Variants in MICAL3 observed in about 807,000 individuals in gnomAD.
The protein encoded by MICAL3 is microtubule associated monooxygenase, calponin and LIM domain containing 3.
MICAL3 carries 62 observed loss-of-function variants against 207.4 expected under a neutral mutation model. That is an observed-to-expected ratio of 0.30 (90% CI 0.24 to 0.37). The LOEUF (loss-of-function observed/expected upper bound fraction) is 0.37, where lower values mean the gene tolerates loss of function less well. Ranked by LOEUF, MICAL3 falls within the 10% of genes least tolerant of loss-of-function variation. MICAL3 has a pLI of 1.00. For missense variants in MICAL3, 2,368 were observed against 2,635.6 expected, an observed-to-expected ratio of 0.90 and a Z score of 2.22; for synonymous variants, 1,077 against 1,069.3, an observed-to-expected ratio of 1.01 and a Z score of -0.14.
chr22:17,856,914 C>G (rs986041051), intron 19 of MICAL3, among the ~76,000 whole-genome samples: 1 of 152,136 alleles, frequency 6.6e-6, no homozygotes, highest in Non-Finnish European at 1.5e-5. Context: ...AGCCACCGCG[C>G]CCGGCCGAAA....
intron 1 of MICAL3, among the ~76,000 whole-genome samples, chr22:17,994,365 T>A (rs996978249): frequency 4.1e-4 from 62 of 152,310 alleles, no homozygotes; most frequent in African/African-American, 8.9e-4. Context: ...GCTCCTCCTC[T>A]CTTGGCTTCC....
intron 11 of MICAL3, among the ~76,000 whole-genome samples, chr22:17,892,169 G>A (rs1039599762): frequency 2.6e-5 from 4 of 152,212 alleles, no homozygotes; most frequent in African/African-American, 7.2e-5. Flanking sequence ...GCAGGGCTCC[G>A]CTGACAACCC....
rs184531660 is a variant in MICAL3 at position 17,795,320 on chromosome 22, G to A, written c.5651-4019C>T. 6.6e-5 allele frequency among the ~76,000 whole-genome samples: 10 copies of A among 152,346 alleles called. No homozygotes were observed. The East Asian group carries it at 1.9e-3, about 29-fold the overall frequency. On this transcript the variant is annotated intron_variant, in intron 29 of 31. Transcript: ENST00000441493. ...GTCTTCAGGCTTGGAACACCTGGAT[G>A]AATCCCATCAAATACGTCAGTGAAC...
In MICAL3 at chr22:17,902,062, G is replaced by A; in HGVS notation, c.590-83C>T. The A allele has an allele frequency of 3.1e-6, 3 of 974,190 alleles. No individual in the cohort carries two copies. The highest frequency in any genetic ancestry group is 4.7e-6 in the Non-Finnish European group (3 of 641,284). 60.3% of individuals were successfully genotyped at this position (974,190 alleles called of 1,614,324 possible). The stretch of plus-strand genomic sequence containing the variant: ...ACCATCTCTAGATACCCAGTCATGT[G>A]AACTGCACAAAACCCTGGGCCAAAA... On this transcript the variant is annotated intron_variant, in intron 4 of 31. Coordinates refer to ENST00000441493, the MANE Select transcript of MICAL3 (RefSeq NM_015241.3). The surrounding 1 kb of genome is among the most constrained non-coding windows in gnomAD (Gnocchi z 4.5).
At chr22:17,848,398 T>C (rs1602047482) in intron 19 of MICAL3, among the ~76,000 whole-genome samples, 1 of 152,210 alleles carries the variant, frequency 6.6e-6, no homozygotes, top group Non-Finnish European at 1.5e-5. Flanking sequence ...AGTGTGGCTG[T>C]TCCGAAACAT....
intron 3 of MICAL3, among the ~76,000 whole-genome samples, chr22:17,904,328 C>T (rs1469864719): frequency 6.6e-6 from 1 of 152,246 alleles, no homozygotes; most frequent in Non-Finnish European, 1.5e-5. Flanking sequence ...GTGCCTGCCC[C>T]AGTGCCCATC....
At chr22:17,847,502 C>T (rs1924759587) in intron 19 of MICAL3, among the ~76,000 whole-genome samples, 1 of 152,234 alleles carries the variant, frequency 6.6e-6, no homozygotes, top group South Asian at 2.1e-4. Flanking sequence ...CGCTCAGGCA[C>T]ACCAGTGACA....
In MICAL3 at chr22:17,818,927, T is replaced by C. The variant is rs8135914; in HGVS notation, c.3734A>G (p.Gln1245Arg). The C allele has an allele frequency of 0.32, 510,873 of 1,574,612 alleles. 85,660 individuals are homozygous for C. Among genetic ancestry groups the C allele is most frequent in the African/African-American group, 0.36 (26,672 of 73,674 alleles). The stretch of plus-strand genomic sequence containing the variant: ...GGGCGTGGAGGCCGCCACGGGTGGC[T>C]GGGGCTGCGGGCTCCCTGGTGAGAC... ...TPVSPGSPQP[Q>R]PPVAASTPPP... Residue 1245 changes from glutamine (Q) to arginine (R), a missense_variant, in exon 26 of 32, where the codon CAG becomes CGG. Physicochemically the swap from Gln to Arg is conservative, Grantham distance 43. Around this residue, in one of 4 missense-constraint regions of MICAL3, gnomAD observed 1,770 missense variants for 1,863.2 expected, o/e 0.95. Transcript: ENST00000441493.
At chr22:17,965,627 G>A (rs528501616) in intron 1 of MICAL3, among the ~76,000 whole-genome samples, 1 of 152,294 alleles carries the variant, frequency 6.6e-6, no homozygotes, top group South Asian at 2.1e-4. Flanking sequence ...AGAAAAAGGA[G>A]ACAGAGAGGC....
intron 12 of MICAL3, 72 bp downstream of exon 12, chr22:17,891,413 T>C: frequency 2.1e-6 from 3 of 1,417,260 alleles, no homozygotes; most frequent in Admixed American, 1.8e-5. Context: ...AAGGACAAAA[T>C]GTTACTTGAT....
At chr22:18,021,635 TG>T (rs1181784960) in intron 1 of MICAL3, among the ~76,000 whole-genome samples, 1 of 151,680 alleles carries the variant, frequency 6.6e-6, no homozygotes, top group Non-Finnish European at 1.5e-5. Flanking sequence ...TTGGAGGGAG[TG>T]GGGCATGGGA....
In MICAL3 at chr22:17,862,230, G is replaced by C. The variant is rs1209379025; in HGVS notation, c.2605+2669C>G. On this transcript the variant is annotated intron_variant, in intron 19 of 31. Coordinates refer to ENST00000441493, the MANE Select transcript of MICAL3 (RefSeq NM_015241.3). ...CTGTTCTCTACAACATACATTCTGG[G>C]ACCCTGAAACACCTGAGCTTTCCCT... 7.1e-6 allele frequency: 7 copies of C among 985,272 alleles called. No individual in the cohort carries two copies. In the African/African-American group the frequency reaches 1.2e-4, roughly 17 times the overall value. The allele number at this position is 985,272 out of a possible 1,614,324, so 61.0% of individuals were successfully genotyped here.
At chr22:17,895,485 T>G in intron 9 of MICAL3, 75 bp from the exon 10 acceptor site, 1 of 1,549,444 alleles carries the variant, frequency 6.5e-7, no homozygotes, top group Non-Finnish European at 8.8e-7. Context: ...ATGATTGTTC[T>G]GACAGCGCAG....
At chr22:17,836,633 G>T (rs73384545) in intron 20 of MICAL3, among the ~76,000 whole-genome samples, 1,791 of 151,192 alleles carry the variant, frequency 0.012, 36 homozygotes, top group African/African-American at 0.042. Context: ...GGAACCACTT[G>T]AAGTTCCTGG....
intron 19 of MICAL3, chr22:17,864,540 CG>C (rs1471532082): frequency 2.7e-5 from 39 of 1,440,666 alleles, no homozygotes; most frequent in Non-Finnish European, 3.5e-5. Context: ...AGTGTCTGAG[CG>C]CCTGCGAGCT....
chr22:17,966,709 C>T lies in MICAL3; in HGVS notation c.-75+57572G>A, dbSNP rs150618483. 1.1e-4 allele frequency among the ~76,000 whole-genome samples: 17 copies of T among 152,220 alleles called. No individual in the cohort carries two copies. The East Asian group carries it at 2.3e-3, about 21-fold the overall frequency. On this transcript the variant is annotated intron_variant, in intron 1 of 31. Transcript: ENST00000441493. ...GTCTAGGGTATTTCTAGGAAGTAAA[C>T]GACAGAATGCATTTCTAAAGCATCT...
rs1251171404 is a variant in MICAL3, at chr22:17,978,322, T to C, written c.-75+45959A>G. Among the ~76,000 whole-genome samples the C allele has an allele frequency of 2.6e-5, 4 of 152,316 alleles. No homozygotes were observed. The South Asian group carries it at 6.2e-4, about 24-fold the overall frequency. ...CAAATATTGTATGACTACATTTACATGAAATGTTCAGAATAGCAAATCAGA... is the reference window on the plus strand; with the variant it reads ...CAAATATTGTATGACTACATTTACACGAAATGTTCAGAATAGCAAATCAGA... On this transcript the variant is annotated intron_variant, in intron 1 of 31. Transcript: ENST00000441493.
chr22:17,893,881 G>T lies in MICAL3; in HGVS notation c.1473C>A (p.Gly491=), dbSNP rs201008934. The change falls in exon 11 of 32, where the codon GGC becomes GGA. Residue 491 remains glycine (G), a synonymous_variant. Coordinates refer to ENST00000441493, the MANE Select transcript of MICAL3 (RefSeq NM_015241.3). ...TTTCCAGGTGAATATCTTTTGTTTC[G>T]CCAGTATCATATAAATGGCGCACCT... ...PSQVRHLYDT[G]ETKDIHLEME... is the part of the protein sequence containing the mutation. 13 of 1,562,512 alleles carry T rather than the reference G, an allele frequency of 8.3e-6. No homozygotes were observed. In the African/African-American group the frequency reaches 1.2e-4, roughly 15 times the overall value.
chr22:17,940,954 C>T (rs1933778320), intron 1 of MICAL3, among the ~76,000 whole-genome samples: 1 of 152,146 alleles, frequency 6.6e-6, no homozygotes, highest in African/African-American at 2.4e-5. Context: ...TCCACTCCTC[C>T]CCAACCTACC....
Sources: allele counts gnomAD v4.1 joint callset (sites outside exome capture counted in the v4.1 genomes callset), GRCh38; gene constraint gnomAD v4.1.1; regional missense constraint gnomAD v4.1.1; non-coding constraint Gnocchi (gnomAD v3.1); transcripts MANE v1.5; gene names NCBI Gene and HGNC (gene_info 2026-07-23, HGNC 2026-07-21).